Variants in CDH13 observed in about 807,000 individuals in gnomAD.
CDH13 encodes cadherin 13, also known as cadherin-13.
A neutral mutation model predicts 63.8 loss-of-function variants in CDH13; 24 were observed. That is an observed-to-expected ratio of 0.38 (90% CI 0.27 to 0.53). The LOEUF (loss-of-function observed/expected upper bound fraction) is 0.53, where lower values mean the gene tolerates loss of function less well. Ranked by LOEUF, CDH13 falls within the 20% of genes least tolerant of loss-of-function variation. The pLI, the probability that CDH13 is intolerant of heterozygous loss-of-function variation, is 0.85. For synonymous variants in CDH13, 503 were observed against 355.3 expected, an observed-to-expected ratio of 1.42 and a Z score of -4.67; for missense variants, 1,049 against 903.1, an observed-to-expected ratio of 1.16 and a Z score of -2.07.
intron 7 of CDH13, among the ~76,000 whole-genome samples, chr16:83,582,033 T>G (rs1598326242): frequency 6.6e-6 from 1 of 151,884 alleles, no homozygotes; most frequent in African/African-American, 2.4e-5. Flanking sequence ...CCTGGGTGGG[T>G]GAATGTTTGT....
intron 2 of CDH13, among the ~76,000 whole-genome samples, chr16:83,014,812 ATTTG>A (rs1914575684): frequency 1.2e-5 from 1 of 80,216 alleles, no homozygotes; most frequent in Non-Finnish European, 2.4e-5. Flanking sequence ...ATGTATATAT[ATTTG>A]TATATATATA....
intron 2 of CDH13, among the ~76,000 whole-genome samples, chr16:82,936,291 G>T (rs190886271): frequency 2.6e-5 from 4 of 152,278 alleles, no homozygotes; most frequent in Admixed American, 6.5e-5. Context: ...GCCTTACCAA[G>T]GATTCCCATG....
intron 5 of CDH13, among the ~76,000 whole-genome samples, chr16:83,261,740 C>T (rs943075012): frequency 3.4e-5 from 5 of 147,622 alleles, no homozygotes; most frequent in Non-Finnish European, 5.9e-5. Flanking sequence ...AGTTAGATAA[C>T]AGTCACAAGA....
rs139703800 is a variant in CDH13, at chr16:83,420,764, A to G, written c.782-65713A>G. 1.1e-3 allele frequency among the ~76,000 whole-genome samples: 168 copies of G among 152,288 alleles called. 4 individuals carry two copies. In the East Asian group the frequency reaches 0.026, roughly 24 times the overall value. On this transcript the variant is annotated intron_variant, in intron 6 of 13. Coordinates refer to ENST00000567109, the MANE Select transcript of CDH13 (RefSeq NM_001257.5). ...TCAGTCCGAATCCGAGAGCCCCAAA[A>G]CTAGGGAAACCAACAATGCAACCTT...
At chr16:83,185,024 C>CTG (rs1476254907) in intron 4 of CDH13, among the ~76,000 whole-genome samples, 1 of 151,900 alleles carries the variant, frequency 6.6e-6, no homozygotes, top group Non-Finnish European at 1.5e-5. Flanking sequence ...CTCTATCTTT[C>CTG]TGATATACCT....
chr16:83,404,211 G>A (rs1472248954), intron 6 of CDH13, among the ~76,000 whole-genome samples: 3 of 152,282 alleles, frequency 2.0e-5, no homozygotes, highest in African/African-American at 7.2e-5. Flanking sequence ...TCACGTTTCA[G>A]AACTTTTGGC....
At chr16:83,408,764 C>A (rs2092084713) in intron 6 of CDH13, among the ~76,000 whole-genome samples, 1 of 152,104 alleles carries the variant, frequency 6.6e-6, no homozygotes, top group Admixed American at 6.5e-5. Context: ...AGCAAGTCAG[C>A]CTAGTGGAGG....
chr16:82,740,757 G>C (rs779961301), intron 1 of CDH13, among the ~76,000 whole-genome samples: 1 of 152,134 alleles, frequency 6.6e-6, no homozygotes, highest in African/African-American at 2.4e-5. Flanking sequence ...GTAGGAACTG[G>C]TGCTCAGTCA....
intron 10 of CDH13, among the ~76,000 whole-genome samples, chr16:83,691,638 G>A (rs1904896995): frequency 6.6e-6 from 1 of 152,060 alleles, no homozygotes; most frequent in South Asian, 2.1e-4. Flanking sequence ...CCGTACAACG[G>A]TGCTGTTAAC....
intron 1 of CDH13, among the ~76,000 whole-genome samples, chr16:82,857,919 G>C (rs919558937): frequency 1.3e-5 from 2 of 152,156 alleles, no homozygotes; most frequent in South Asian, 2.1e-4. Flanking sequence ...AGGCTTAACA[G>C]GTCCTGGATT....
intron 2 of CDH13, among the ~76,000 whole-genome samples, chr16:82,967,651 G>A (rs1202294621): frequency 6.7e-6 from 1 of 148,926 alleles, no homozygotes; most frequent in Non-Finnish European, 1.5e-5. Flanking sequence ...CCAGGTCGGA[G>A]AACAGAGACC....
intron 6 of CDH13, among the ~76,000 whole-genome samples, chr16:83,458,994 TC>T (rs2073099398): frequency 6.6e-6 from 1 of 152,272 alleles, no homozygotes; most frequent in African/African-American, 2.4e-5. Flanking sequence ...ATGGGGTTTT[TC>T]TTTTTATTTA....
chr16:83,769,724 G>A (rs576088167), intron 11 of CDH13, among the ~76,000 whole-genome samples: 13 of 152,264 alleles, frequency 8.5e-5, no homozygotes, highest in African/African-American at 2.6e-4. Context: ...TGGGAGTTCC[G>A]TGGAGATGTG....
chr16:83,271,422 TAAAAAAAAAAAAA>T (rs56382330), intron 5 of CDH13, among the ~76,000 whole-genome samples: 459 of 26,056 alleles, frequency 0.018, 24 homozygotes, highest in African/African-American at 0.049. Context: ...GCAGAGTTCA[TAAAAAAAAAAAAA>T]AAAAAAAAAA....
At chr16:83,048,751 C>T (rs985930564) in intron 3 of CDH13, among the ~76,000 whole-genome samples, 2 of 152,074 alleles carry the variant, frequency 1.3e-5, no homozygotes, top group South Asian at 2.1e-4. Flanking sequence ...TTCTTCATTT[C>T]GCATTTCCCC....
chr16:82,939,179 T>C (rs966045087), intron 2 of CDH13, among the ~76,000 whole-genome samples: 4 of 152,176 alleles, frequency 2.6e-5, no homozygotes, highest in African/African-American at 7.2e-5. Context: ...ATCCCAGACA[T>C]TTCAGAGGCT....
chr16:83,389,357 C>A (rs1366941351), intron 6 of CDH13, among the ~76,000 whole-genome samples: 3 of 152,082 alleles, frequency 2.0e-5, no homozygotes, highest in Non-Finnish European at 4.4e-5. Context: ...CGTACCATAA[C>A]GTTATTTTCA....
intron 2 of CDH13, among the ~76,000 whole-genome samples, chr16:82,941,852 C>A (rs1004031237): frequency 1.3e-5 from 2 of 152,070 alleles, no homozygotes; most frequent in African/African-American, 4.8e-5. Context: ...ATATTCATAC[C>A]CAGGAAGTTG....
At chr16:83,423,333 A>G (rs2071773437) in intron 6 of CDH13, among the ~76,000 whole-genome samples, 1 of 152,218 alleles carries the variant, frequency 6.6e-6, no homozygotes, top group Admixed American at 6.5e-5. Context: ...ACTTCTTCAG[A>G]AAATTCAAAG....
Sources: gnomAD v4.1 joint callset for allele counts (sites outside exome capture counted in the v4.1 genomes callset) on GRCh38, gnomAD v4.1.1 for gene constraint, MANE v1.5 for transcripts, NCBI Gene and HGNC (gene_info 2026-07-23, HGNC 2026-07-21) for gene names.